Variants in SLC35F1 observed in about 807,000 individuals in gnomAD.
The protein encoded by SLC35F1 is chromosome 6 open reading frame 169.
SLC35F1 carries 14 observed loss-of-function variants against 48.7 expected under a neutral mutation model. That is an observed-to-expected ratio of 0.29 (90% CI 0.19 to 0.45). The LOEUF (loss-of-function observed/expected upper bound fraction) is 0.45. SLC35F1 is among the 20% of genes least tolerant of loss of function. The probability of loss-of-function intolerance (pLI) is 1.00; values close to 1 mark genes in which losing one functional copy is unlikely to be tolerated. For missense variants in SLC35F1, 404 were observed against 500.0 expected (o/e 0.81, Z 1.83); for synonymous variants, 190 against 202.2 (o/e 0.94, Z 0.51).
At chr6:117,950,473 G>A (rs777590166) in intron 1 of SLC35F1, among the ~76,000 whole-genome samples, 7 of 152,162 alleles carry the variant, frequency 4.6e-5, no homozygotes, top group Non-Finnish European at 8.8e-5. Flanking sequence ...GATTTTGTTT[G>A]ATAAGCACTT....
intron 1 of SLC35F1, among the ~76,000 whole-genome samples, chr6:118,069,850 A>G (rs1307246101): frequency 3.9e-5 from 6 of 152,214 alleles, no homozygotes; most frequent in Non-Finnish European, 8.8e-5. Flanking sequence ...AAGAATGTTC[A>G]TTTAGGCCGG....
intron 2 of SLC35F1, among the ~76,000 whole-genome samples, chr6:118,174,373 AT>A (rs541426613): frequency 1.1e-4 from 16 of 152,124 alleles, no homozygotes; most frequent in Non-Finnish European, 2.2e-4. Flanking sequence ...TCAGGCACCT[AT>A]TTTTAAGATA....
chr6:118,255,946 AATAAC>A (rs1305183375), intron 3 of SLC35F1, among the ~76,000 whole-genome samples: 1 of 152,108 alleles, frequency 6.6e-6, no homozygotes, highest in African/African-American at 2.4e-5. Flanking sequence ...GAGCGCTGTG[AATAAC>A]ATAGCTCTGA....
At chr6:118,002,580 C>T (rs2114868964) in intron 1 of SLC35F1, among the ~76,000 whole-genome samples, 1 of 151,026 alleles carries the variant, frequency 6.6e-6, no homozygotes, top group South Asian at 2.1e-4. Context: ...TGCACATGTA[C>T]CCTAAAACTT....
At chr6:118,161,518 T>C (rs575314483) in intron 2 of SLC35F1, among the ~76,000 whole-genome samples, 1 of 152,148 alleles carries the variant, frequency 6.6e-6, no homozygotes, top group East Asian at 1.9e-4. Flanking sequence ...ATGGGAGAAA[T>C]AGTACTGTCA....
intron 3 of SLC35F1, among the ~76,000 whole-genome samples, chr6:118,257,968 T>A (rs281862): frequency 2.0e-5 from 3 of 152,106 alleles, no homozygotes; most frequent in Non-Finnish European, 2.9e-5. Context: ...TCAGAAAACA[T>A]AAAATACCAT....
intron 1 of SLC35F1, among the ~76,000 whole-genome samples, chr6:117,915,690 A>G (rs1362333369): frequency 6.6e-6 from 1 of 152,224 alleles, no homozygotes; most frequent in Non-Finnish European, 1.5e-5. Context: ...TAGACTTATT[A>G]AGTTATTTTA....
intron 2 of SLC35F1, among the ~76,000 whole-genome samples, chr6:118,171,063 G>T (rs564425281): frequency 6.6e-6 from 1 of 152,052 alleles, no homozygotes; most frequent in East Asian, 1.9e-4. Context: ...TGGAAACAGG[G>T]TCTCTCTCTG....
At chr6:118,130,449 C>T (rs1216056953) in intron 1 of SLC35F1, among the ~76,000 whole-genome samples, 10 of 151,882 alleles carry the variant, frequency 6.6e-5, no homozygotes, top group African/African-American at 2.2e-4. Context: ...CTAGCCTGGG[C>T]GACAGAGCAA....
intron 1 of SLC35F1, among the ~76,000 whole-genome samples, chr6:117,948,257 A>G (rs747084397): frequency 3.3e-5 from 5 of 152,170 alleles, no homozygotes; most frequent in South Asian, 2.1e-4. Context: ...TTTTTTTTAC[A>G]GTACTTAAGA....
At chr6:118,002,666 AT>A (rs970883888) in intron 1 of SLC35F1, among the ~76,000 whole-genome samples, 13 of 151,930 alleles carry the variant, frequency 8.6e-5, no homozygotes, top group African/African-American at 3.1e-4. Flanking sequence ...TTAAATAATA[AT>A]TTTTTCAAGG....
At chr6:118,061,391 T>C (rs1035244818) in intron 1 of SLC35F1, among the ~76,000 whole-genome samples, 1 of 152,174 alleles carries the variant, frequency 6.6e-6, no homozygotes, top group Non-Finnish European at 1.5e-5. Flanking sequence ...AAAATTGCTT[T>C]TCTTGATGGA....
At chr6:118,117,098 C>T (rs12203615) in intron 1 of SLC35F1, among the ~76,000 whole-genome samples, 30,482 of 152,058 alleles carry the variant, frequency 0.2, 3,254 homozygotes, top group East Asian at 0.32. Flanking sequence ...CCATCTGAGG[C>T]GTTATGTAGG....
At chr6:118,199,879 A>G (rs1005142793) in intron 2 of SLC35F1, among the ~76,000 whole-genome samples, 5 of 152,182 alleles carry the variant, frequency 3.3e-5, no homozygotes, top group Admixed American at 2.6e-4. Context: ...AAATCTTTCC[A>G]GTGTTTTTCC....
chr6:118,246,257 G>T (rs919026933), intron 3 of SLC35F1, among the ~76,000 whole-genome samples: 1 of 152,158 alleles, frequency 6.6e-6, no homozygotes, highest in Non-Finnish European at 1.5e-5. Flanking sequence ...TCAGCTTTGG[G>T]TTTTAAAGCT....
intron 1 of SLC35F1, among the ~76,000 whole-genome samples, chr6:118,012,749 A>G (rs1219858923): frequency 6.6e-6 from 1 of 152,216 alleles, no homozygotes. Context: ...AACATGTTCA[A>G]GCACTGAAAT....
intron 1 of SLC35F1, among the ~76,000 whole-genome samples, chr6:117,945,077 A>G (rs1303815480): frequency 6.6e-6 from 1 of 152,204 alleles, no homozygotes; most frequent in Non-Finnish European, 1.5e-5. Context: ...GACAGATGAT[A>G]ATAAGTTACA....
At chr6:118,211,580 T>A (rs1263544426) in intron 2 of SLC35F1, among the ~76,000 whole-genome samples, 1 of 152,212 alleles carries the variant, frequency 6.6e-6, no homozygotes, top group Non-Finnish European at 1.5e-5. Context: ...AAAGAATGCA[T>A]GATCAATTGG....
At chr6:117,923,828 C>CATATACACATACATATGTATATATAA (rs1775977397) in intron 1 of SLC35F1, among the ~76,000 whole-genome samples, 1 of 139,686 alleles carries the variant, frequency 7.2e-6, no homozygotes, top group African/African-American at 2.7e-5. Flanking sequence ...TGTATATATA[C>CATATACACATACATATGTATATATAA]ATATACACAT....
Sources: allele counts gnomAD v4.1 joint callset (sites outside exome capture counted in the v4.1 genomes callset), GRCh38; gene constraint gnomAD v4.1.1; transcripts MANE v1.5; gene names NCBI Gene and HGNC (gene_info 2026-07-23, HGNC 2026-07-21).